The following TNRC6A variants were observed in gnomAD, a reference collection of about 807,000 sequenced individuals.
TNRC6A encodes the protein trinucleotide repeat containing adaptor 6A.
In TNRC6A, 44 loss-of-function variants were observed where a neutral mutation model predicts 221.2. That is an observed-to-expected ratio of 0.20 (90% CI 0.16 to 0.26). TNRC6A has a LOEUF of 0.26. TNRC6A is among the 10% of genes least tolerant of loss of function. The pLI, the probability that TNRC6A is intolerant of heterozygous loss-of-function variation, is 1.00. For missense variants in TNRC6A, 2,199 were observed against 2,404.4 expected (o/e 0.91, Z 1.79); for synonymous variants, 847 against 838.5 (o/e 1.01, Z -0.18).
chr16:24,810,960 TC>T (rs1419898838), intron 18 of TNRC6A, among the ~76,000 whole-genome samples: 4 of 152,056 alleles, frequency 2.6e-5, no homozygotes, highest in Non-Finnish European at 4.4e-5. Flanking sequence ...GCATAACTGA[TC>T]AGCTAGTCAG....
intron 4 of TNRC6A, among the ~76,000 whole-genome samples, chr16:24,769,468 CA>C (rs35988161): frequency 0.41 from 41,564 of 101,272 alleles, 5,680 homozygotes; most frequent in Middle Eastern, 0.54. Context: ...ACAGTATGAC[CA>C]AAAAAAAAAA....
At chr16:24,785,697 T>C (rs1056616862) in intron 5 of TNRC6A, among the ~76,000 whole-genome samples, 4 of 152,248 alleles carry the variant, frequency 2.6e-5, no homozygotes, top group African/African-American at 7.2e-5. Context: ...TTCTGGTGTT[T>C]CCCTCTTGAA....
At chr16:24,624,163 G>A (rs968842598) in intron 1 of TNRC6A, among the ~76,000 whole-genome samples, 26 of 152,232 alleles carry the variant, frequency 1.7e-4, no homozygotes, top group Admixed American at 1.3e-3. Context: ...GGTCACATCC[G>A]TCAGCAGGCT....
intron 3 of TNRC6A, 39 bp from the exon 4 acceptor site, chr16:24,758,300 A>C (rs571460110): frequency 6.3e-7 from 1 of 1,582,048 alleles, no homozygotes; most frequent in African/African-American, 1.3e-5. Context: ...TTTCAGTTTC[A>C]TATTTACATT....
intron 2 of TNRC6A, among the ~76,000 whole-genome samples, chr16:24,669,709 C>T (rs571313549): frequency 3.3e-5 from 5 of 152,074 alleles, no homozygotes; most frequent in African/African-American, 1.2e-4. Flanking sequence ...GATTCATCAT[C>T]CTGTCCTCAG....
chr16:24,804,989 T>C (rs1259028534), intron 13 of TNRC6A, 25 bp from the exon 14 acceptor site: 2 of 1,614,104 alleles, frequency 1.2e-6, no homozygotes, highest in Non-Finnish European at 1.7e-6. Flanking sequence ...ATCCCACTGT[T>C]ACTTGTTGCT....
rs199866852 is a variant in TNRC6A, at chr16:24,791,263, G to C, written c.2621G>C (p.Ser874Thr). ...NHWGEANKKS[S>T]SGGSDSDRSV... Reference sequence around the variant, plus strand: ...TGGGGTGAGGCCAATAAGAAATCCAGCTCAGGAGGTAGTGACAGTGACAGG... The same window carrying C: ...TGGGGTGAGGCCAATAAGAAATCCACCTCAGGAGGTAGTGACAGTGACAGG... The change falls in exon 6 of 25, where the codon AGC becomes ACC. Residue 874 changes from serine to threonine, a missense_variant. Physicochemically the swap from Ser to Thr is moderately conservative, Grantham distance 58. Around this residue, in one of 8 missense-constraint regions of TNRC6A, gnomAD observed 1,405 missense variants for 1,400.2 expected, o/e 1.00. Transcript: ENST00000395799. 1 of 1,614,158 alleles carries C rather than the reference G, an allele frequency of 6.2e-7. No individual in the cohort carries two copies. The highest frequency in any genetic ancestry group is 8.5e-7 in the Non-Finnish European group (1 of 1,180,010).
In TNRC6A at chr16:24,815,293, A is replaced by G; in HGVS notation, c.4819A>G (p.Asn1607Asp). Reference protein sequence around the residue: ...AKSPNGSSSVNWPPEFRPGEP... With the variant: ...AKSPNGSSSVDWPPEFRPGEP... ...ATCGCCTAACGGCTCTAGCAGTGTT[A>G]ATTGGCCACCAGGTAAAATTTTTTC... Residue 1607 changes from asparagine to aspartate, a missense_variant, in exon 19 of 25, where the codon AAT becomes GAT. By Grantham distance (23) the Asn-to-Asp change is conservative. Coordinates refer to ENST00000395799, the MANE Select transcript of TNRC6A (RefSeq NM_014494.4). 6.2e-7 allele frequency: 1 copy of G among 1,614,200 alleles called. No homozygotes were observed. The highest frequency in any genetic ancestry group is 8.5e-7 in the Non-Finnish European group (1 of 1,180,032).
intron 21 of TNRC6A, chr16:24,819,519 T>G (rs989350113): frequency 1.4e-5 from 2 of 140,676 alleles, no homozygotes; most frequent in African/African-American, 5.3e-5. Context: ...TTTTTTTTTG[T>G]TTTTTTGTTT....
chr16:24,632,005 T>C (rs1410510879), intron 1 of TNRC6A, among the ~76,000 whole-genome samples: 2 of 151,870 alleles, frequency 1.3e-5, no homozygotes, highest in Non-Finnish European at 2.9e-5. Flanking sequence ...ACCACAGGTG[T>C]GCACCACCAC....
chr16:24,665,062 A>G (rs1361815013), intron 2 of TNRC6A: 3 of 445,384 alleles, frequency 6.7e-6, no homozygotes, highest in African/African-American at 2.0e-5. Flanking sequence ...TTATTTATTT[A>G]TTTGTTTGTT....
Position 24,729,826 on chromosome 16 carries a change from C to G in TNRC6A, c.-16C>G. 3 of 1,404,720 alleles carry G rather than the reference C, an allele frequency of 2.1e-6. No individual in the cohort carries two copies. The highest frequency in any genetic ancestry group is 2.8e-6 in the Non-Finnish European group (3 of 1,071,426). 87.0% of individuals were successfully genotyped at this position (1,404,720 alleles called of 1,614,324 possible). On this transcript the variant is annotated 5_prime_UTR_variant, in exon 1 of 25. Coordinates refer to ENST00000395799, the MANE Select transcript of TNRC6A (RefSeq NM_014494.4). ...CCTCCTTCGCCGCGCCCCACTTGCTCGTGCACTTTACACACATGAGGTGAG... is the reference window on the plus strand; with the variant it reads ...CCTCCTTCGCCGCGCCCCACTTGCTGGTGCACTTTACACACATGAGGTGAG...
chr16:24,727,229 A>C (rs1178363742), upstream of TNRC6A, among the ~76,000 whole-genome samples: 2 of 152,042 alleles, frequency 1.3e-5, no homozygotes, highest in Admixed American at 6.6e-5. Context: ...GGGTTTCCTC[A>C]TGCTGGCCAG....
chr16:24,791,811 G>T lies in TNRC6A; in HGVS notation c.3169G>T (p.Gly1057Cys), dbSNP rs2058107833. The T allele has an allele frequency of 2.6e-6, 4 of 1,530,810 alleles. No homozygotes were observed. The highest frequency in any genetic ancestry group is 3.5e-6 in the Non-Finnish European group (4 of 1,144,422). 94.8% of individuals were successfully genotyped at this position (1,530,810 alleles called of 1,614,324 possible). A position where few individuals can be genotyped will look rare whatever the true frequency, so the allele number is the denominator to read the frequency against. Residue 1057 changes from glycine (G) to cysteine (C), a missense_variant, in exon 6 of 25, where the codon GGC (glycine) becomes TGC (cysteine). Around this residue, in one of 8 missense-constraint regions of TNRC6A, gnomAD observed 1,405 missense variants for 1,400.2 expected, o/e 1.00. Coordinates refer to ENST00000395799, the MANE Select transcript of TNRC6A (RefSeq NM_014494.4). ...SAISNKEASS[G>C]SGWGEPWGEP... ...CATCTCAAACAAAGAGGCAAGCAGT[G>T]GCTCTGGTAAGTTTCTATTTTATGA... is the stretch of plus-strand genomic sequence containing the variant.
chr16:24,626,183 G>A (rs1312375332), intron 1 of TNRC6A, among the ~76,000 whole-genome samples: 2 of 151,908 alleles, frequency 1.3e-5, no homozygotes, highest in East Asian at 1.9e-4. Flanking sequence ...GTCCTCCCCA[G>A]GGGACACCAA....
At position 24,822,898 on chromosome 16, in the gene TNRC6A, C is replaced by T; in HGVS notation, c.5398C>T (p.Leu1800=). The change falls in exon 24 of 25, where the codon CTG becomes TTG. Residue 1800 remains leucine (L), a synonymous_variant. Coordinates refer to ENST00000395799, the MANE Select transcript of TNRC6A (RefSeq NM_014494.4). ...GATCGATGGCTCAACTCTGCGCACT[C>T]TGTGCATGCAGCACGGCCCGCTGAT... ...PQIDGSTLRT[L]CMQHGPLITF... is the part of the protein sequence containing the mutation. 1 of 1,614,006 alleles carries T rather than the reference C, an allele frequency of 6.2e-7. No individual in the cohort carries two copies. The highest frequency in any genetic ancestry group is 8.5e-7 in the Non-Finnish European group (1 of 1,180,042).
intron 19 of TNRC6A, 140 bp from the exon 20 acceptor site, chr16:24,816,676 A>G: frequency 2.0e-6 from 2 of 1,011,390 alleles, no homozygotes; most frequent in Non-Finnish European, 2.8e-6. Context: ...TATTAACTGA[A>G]CCATCCTCTT....
chr16:24,738,120 C>T (rs904046448), intron 2 of TNRC6A, among the ~76,000 whole-genome samples: 3 of 152,138 alleles, frequency 2.0e-5, no homozygotes, highest in African/African-American at 7.2e-5. Context: ...TTCTTAGAAA[C>T]CTTTGTTGGC....
upstream of TNRC6A, among the ~76,000 whole-genome samples, chr16:24,728,772 CATAT>C (rs2056537663): frequency 6.6e-6 from 1 of 152,186 alleles, no homozygotes; most frequent in African/African-American, 2.4e-5. Flanking sequence ...TCTGTGTCTA[CATAT>C]ATACATATCT....
Sources: allele counts gnomAD v4.1 joint callset (sites outside exome capture counted in the v4.1 genomes callset), GRCh38; gene constraint gnomAD v4.1.1; regional missense constraint gnomAD v4.1.1; transcripts MANE v1.5; gene names NCBI Gene and HGNC (gene_info 2026-07-23, HGNC 2026-07-21).